Variants in HOOK3 observed in about 807,000 individuals in gnomAD.
HOOK3 encodes protein Hook homolog 3.
A neutral mutation model predicts 116.3 loss-of-function variants in HOOK3; 24 were observed. That is an observed-to-expected ratio of 0.21 (90% CI 0.15 to 0.29). The LOEUF is 0.29. Ranked by LOEUF, HOOK3 falls within the 10% of genes least tolerant of loss-of-function variation. HOOK3 has a pLI of 1.00. For missense variants in HOOK3, 632 were observed against 830.2 expected (o/e 0.76, Z 2.93); for synonymous variants, 275 against 283.0 (o/e 0.97, Z 0.28).
At chr8:42,970,283 G>C (rs1563303995) in intron 11 of HOOK3, among the ~76,000 whole-genome samples, 1 of 151,972 alleles carries the variant, frequency 6.6e-6, no homozygotes, top group Non-Finnish European at 1.5e-5. Context: ...CTGTTCCCTT[G>C]GTATATTTAT....
intron 11 of HOOK3, 99 bp from the exon 12 acceptor site, chr8:42,973,190 G>A: frequency 7.7e-7 from 1 of 1,307,160 alleles, no homozygotes. Flanking sequence ...TTTGAGTACT[G>A]GTGGGAGAGA....
At chr8:42,925,913 C>T (rs905660769) in intron 3 of HOOK3, among the ~76,000 whole-genome samples, 1 of 152,274 alleles carries the variant, frequency 6.6e-6, no homozygotes, top group Admixed American at 6.5e-5. Flanking sequence ...CTTCCTTTGC[C>T]TTGGTTTCCC....
At chr8:42,956,841 C>A (rs2130407140) in intron 6 of HOOK3, among the ~76,000 whole-genome samples, 1 of 152,304 alleles carries the variant, frequency 6.6e-6, no homozygotes, top group South Asian at 2.1e-4. Context: ...CTCGGCCTCC[C>A]AAAGTGCAGG....
intron 1 of HOOK3, among the ~76,000 whole-genome samples, chr8:42,902,043 T>C (rs1424637835): frequency 6.6e-6 from 1 of 152,040 alleles, no homozygotes; most frequent in Non-Finnish European, 1.5e-5. Flanking sequence ...ACTTGCTTTT[T>C]TGAATTACCT....
At chr8:42,912,043 T>C (rs970061929) in intron 2 of HOOK3, among the ~76,000 whole-genome samples, 1 of 152,198 alleles carries the variant, frequency 6.6e-6, no homozygotes, top group African/African-American at 2.4e-5. Flanking sequence ...GGAAAAAATG[T>C]GTACCCTGAG....
chr8:42,905,810 G>T (rs1246675835), intron 1 of HOOK3, among the ~76,000 whole-genome samples: 8 of 151,522 alleles, frequency 5.3e-5, no homozygotes, highest in East Asian at 1.9e-4. Context: ...TTTCAGCCAG[G>T]TGCGGTGGCT....
intron 3 of HOOK3, among the ~76,000 whole-genome samples, chr8:42,927,862 G>A (rs1563292999): frequency 2.0e-5 from 3 of 152,166 alleles, no homozygotes; most frequent in Non-Finnish European, 4.4e-5. Flanking sequence ...CCTCAACCTG[G>A]CAGGCCAGGC....
rs754081576 is a variant in HOOK3 at position 42,964,368 on chromosome 8, G to A, written c.673G>A (p.Glu225Lys). The A allele has an allele frequency of 6.2e-7, 1 of 1,614,024 alleles. No homozygotes were observed. The highest frequency in any genetic ancestry group is 1.1e-5 in the South Asian group (1 of 91,076). ...SLLAENQVLM[E>K]RLNQSDSIED... ...GTTGGCAGAGAATCAGGTATTAATG[G>A]AAAGACTCAATCAATCTGATTCTAT... is the stretch of plus-strand genomic sequence containing the variant. Residue 225 changes from glutamate to lysine, a missense_variant, in exon 9 of 22, where the codon GAA (glutamate) becomes AAA (lysine). Transcript: ENST00000307602.
At chr8:42,908,035 T>C (rs546583920) in intron 2 of HOOK3, among the ~76,000 whole-genome samples, 100 of 152,150 alleles carry the variant, frequency 6.6e-4, no homozygotes, top group African/African-American at 2.3e-3. Flanking sequence ...CAACAAACTA[T>C]CTGAAAAAGA....
chr8:42,975,772 C>G (rs1288847572), intron 13 of HOOK3, among the ~76,000 whole-genome samples: 1 of 152,198 alleles, frequency 6.6e-6, no homozygotes, highest in Non-Finnish European at 1.5e-5. Context: ...GTGGCGAGAT[C>G]TTGGCTCAGT....
chr8:43,011,079 G>A (rs1327623097), intron 19 of HOOK3, among the ~76,000 whole-genome samples: 4 of 151,708 alleles, frequency 2.6e-5, no homozygotes, highest in South Asian at 2.1e-4. Flanking sequence ...TGCAAGCTCC[G>A]CCTCCCGGGT....
chr8:42,971,183 A>ATTCC (rs1279612296), intron 11 of HOOK3, among the ~76,000 whole-genome samples: 23 of 152,254 alleles, frequency 1.5e-4, no homozygotes, highest in African/African-American at 5.5e-4. Flanking sequence ...GTGGGAAAGC[A>ATTCC]TTCCTTGTTG....
chr8:42,994,347 T>A (rs546040803), intron 15 of HOOK3: 1 of 330,018 alleles, frequency 3.0e-6, no homozygotes, highest in Admixed American at 4.3e-5. Flanking sequence ...TTCTACTAAT[T>A]TTGGGTTTGG....
At chr8:43,001,988 A>C in intron 16 of HOOK3, 119 bp from the exon 17 acceptor site, 1 of 650,280 alleles carries the variant, frequency 1.5e-6, no homozygotes, top group Non-Finnish European at 2.7e-6. Flanking sequence ...CAGCTCTTTG[A>C]CCAAACAAAT....
intron 3 of HOOK3, among the ~76,000 whole-genome samples, chr8:42,927,470 G>A (rs553846842): frequency 1.7e-4 from 26 of 152,132 alleles, no homozygotes; most frequent in African/African-American, 6.3e-4. Flanking sequence ...TGGCTAGGCT[G>A]GTCTTGAACT....
In HOOK3 at chr8:43,000,411, GT is replaced by G. The variant is rs1489215172; in HGVS notation, c.1621-1693del. 7 of 438,416 alleles carry G rather than the reference GT, an allele frequency of 1.6e-5. No individual in the cohort carries two copies. In the East Asian group the frequency reaches 4.9e-4, roughly 31 times the overall value. The allele number at this position is 438,416 out of a possible 1,614,324, so 27.2% of individuals were successfully genotyped here. A position where few individuals can be genotyped will look rare whatever the true frequency, so the allele number is the denominator to read the frequency against. On this transcript the variant is annotated intron_variant, in intron 16 of 21. Coordinates refer to ENST00000307602, the MANE Select transcript of HOOK3 (RefSeq NM_032410.4). ...AATATCTGGATTACTTGCCTCATAG[GT>G]TTAAGACCTTTACAATTAAGATACT...
At chr8:42,898,047 C>T (rs1807079856) in intron 1 of HOOK3, among the ~76,000 whole-genome samples, 1 of 152,364 alleles carries the variant, frequency 6.6e-6, no homozygotes, top group South Asian at 2.1e-4. Context: ...ATGAAGGCTA[C>T]TACAGCATTT....
intron 16 of HOOK3, among the ~76,000 whole-genome samples, chr8:42,999,987 A>G (rs1809348611): frequency 6.6e-6 from 1 of 152,080 alleles, no homozygotes. Context: ...TCTACTAAAA[A>G]TACAAAAAAA....
At chr8:42,925,685 G>A (rs1162526509) in intron 3 of HOOK3, 56 bp downstream of exon 3, 1 of 1,218,018 alleles carries the variant, frequency 8.2e-7, no homozygotes, top group Non-Finnish European at 1.2e-6. Context: ...TATAATATCT[G>A]TTGATTTTTT....
Sources: gnomAD v4.1 joint callset for allele counts (sites outside exome capture counted in the v4.1 genomes callset) on GRCh38, gnomAD v4.1.1 for gene constraint, MANE v1.5 for transcripts, NCBI Gene and HGNC (gene_info 2026-07-23, HGNC 2026-07-21) for gene names.